PARK7: variants seen among roughly 807,000 people sequenced by gnomAD.
The protein encoded by PARK7 is Parkinsonism associated deglycase.
PARK7 carries 14 observed loss-of-function variants against 20.5 expected under a neutral mutation model. The ratio of observed to expected loss-of-function variants is 0.68; its 90% confidence interval spans 0.45 to 1.07. The LOEUF (loss-of-function observed/expected upper bound fraction) is 1.07. Ranked by LOEUF, PARK7 falls within the 50% of genes least tolerant of loss-of-function variation. The pLI is 0.00. For synonymous variants in PARK7, 98 were observed against 84.3 expected (o/e 1.16, Z -0.89); for missense variants, 234 against 238.1 (o/e 0.98, Z 0.11).
In PARK7 at chr1:7,977,638, A is replaced by G. The variant is rs72854882; in HGVS notation, c.323-14A>G. The G allele has an allele frequency of 0.01, 16,547 of 1,609,916 alleles. 1,370 individuals are homozygous for G. In the African/African-American group the frequency reaches 0.19, roughly 18 times the overall value. ...TCTATATCTGCACTTAGATCTTTTT[A>G]TTTTTATTCTTAGGTCCTACTGCTC... On this transcript the variant is annotated splice_polypyrimidine_tract_variant and intron_variant, in intron 5 of 6. Transcript: ENST00000338639.
intron 4 of PARK7, among the ~76,000 whole-genome samples, chr1:7,969,693 G>C (rs945337980): frequency 4.0e-5 from 6 of 151,898 alleles, no homozygotes; most frequent in African/African-American, 1.5e-4. Context: ...CAGTTCTCCT[G>C]CCTCAGCCTC....
rs750123363 is a variant in PARK7 at position 7,969,424 on chromosome 1, TA to T, written c.252+21del. The stretch of plus-strand genomic sequence containing the variant: ...TCTGAGGTAAAAAATTCTACTCAAT[TA>T]TACCTCAATAAAGCTGGGGGGGGGG... On this transcript the variant is annotated intron_variant, in intron 4 of 6. Transcript: ENST00000338639. 9.8e-7 allele frequency: 1 copy of T among 1,023,024 alleles called. No homozygotes were observed. The highest frequency in any genetic ancestry group is 1.5e-6 in the Non-Finnish European group (1 of 678,926). 63.4% of individuals were successfully genotyped at this position (1,023,024 alleles called of 1,614,324 possible). A position where few individuals can be genotyped will look rare whatever the true frequency, so the allele number is the denominator to read the frequency against.
rs1326575465 is a variant in PARK7 at position 7,970,278 on chromosome 1, T to C, written c.253-616T>C. Reference sequence around the variant, plus strand: ...AGATGTCGATGAATACAGTCCAAAGTAAGATGATTTGGTTTTTTTCCACCA... The same window carrying C: ...AGATGTCGATGAATACAGTCCAAAGCAAGATGATTTGGTTTTTTTCCACCA... On this transcript the variant is annotated intron_variant, in intron 4 of 6. Coordinates refer to ENST00000338639, the MANE Select transcript of PARK7 (RefSeq NM_007262.5). Among the ~76,000 whole-genome samples the C allele has an allele frequency of 2.0e-5, 3 of 152,160 alleles. No homozygotes were observed. The South Asian group carries it at 6.2e-4, about 32-fold the overall frequency.
rs1370163291 is a variant in PARK7 at position 7,965,429 on chromosome 1, TG to T, written c.192+5del. On this transcript the variant is annotated splice_donor_5th_base_variant and intron_variant, in intron 3 of 6. Transcript: ENST00000338639. ...CCTTGAAGATGCAAAAAAAGAGGTT[TG>T]TAATCCATACATGGAGTTATTCCTT... The T allele has an allele frequency of 6.8e-6, 11 of 1,612,600 alleles. No individual in the cohort carries two copies. Among genetic ancestry groups the T allele is most frequent in the Non-Finnish European group, 8.5e-6 (10 of 1,178,690 alleles).
At chr1:7,974,600 GCCTGGGCGACAGAGTGAGA>G (rs1640537587) in intron 5 of PARK7, among the ~76,000 whole-genome samples, 1 of 151,376 alleles carries the variant, frequency 6.6e-6, no homozygotes, top group Non-Finnish European at 1.5e-5. Context: ...CTGCTCTCCA[GCCTGGGCGACAGAGTGAGA>G]CTCCATCTCA....
intron 6 of PARK7, among the ~76,000 whole-genome samples, chr1:7,979,171 G>A (rs1034539567): frequency 6.6e-6 from 1 of 152,126 alleles, no homozygotes; most frequent in Non-Finnish European, 1.5e-5. Flanking sequence ...GAATGCCGCT[G>A]TGAGCATATC....
chr1:7,966,614 C>T (rs1485760784), intron 3 of PARK7, among the ~76,000 whole-genome samples: 2 of 152,232 alleles, frequency 1.3e-5, no homozygotes, highest in East Asian at 3.9e-4. Context: ...AAGAGGATCA[C>T]TTGAGCCTAG....
At position 7,978,800 on chromosome 1, in the gene PARK7, T is replaced by TC. The variant is rs554466843; in HGVS notation, c.409+1063dup. 2.8e-4 allele frequency among the ~76,000 whole-genome samples: 41 copies of TC among 147,300 alleles called. No individual in the cohort carries two copies. The East Asian group carries it at 7.2e-3, about 26-fold the overall frequency. On this transcript the variant is annotated intron_variant, in intron 6 of 6. Transcript: ENST00000338639. The stretch of plus-strand genomic sequence containing the variant: ...AGGTCAAAGCTATGGTGAGCTGTGA[T>TC]CTCGCCACTGAACTCCAGCCTGGAG...
At chr1:7,977,386 G>C (rs1270209910) in intron 5 of PARK7, among the ~76,000 whole-genome samples, 2 of 152,238 alleles carry the variant, frequency 1.3e-5, no homozygotes, top group Non-Finnish European at 2.9e-5. Context: ...ACTAGGAAGT[G>C]TTTCATTTCA....
chr1:7,961,788 G>C lies in PARK7; in HGVS notation c.-29G>C, dbSNP rs1211003724. On this transcript the variant is annotated 5_prime_UTR_variant, in exon 1 of 7. Coordinates refer to ENST00000338639, the MANE Select transcript of PARK7 (RefSeq NM_007262.5). The stretch of plus-strand genomic sequence containing the variant: ...CCGCGTCCGCAGGAAGAGGCGCGGG[G>C]TGCAGGTCAGCGCCAGCGGGGGCGC... 1 of 152,834 alleles carries C rather than the reference G, an allele frequency of 6.5e-6. No individual in the cohort carries two copies. The highest frequency in any genetic ancestry group is 1.5e-5 in the Non-Finnish European group (1 of 68,498). The allele number at this position is 152,834 out of a possible 1,614,324, so 9.5% of individuals were successfully genotyped here. A position where few individuals can be genotyped will look rare whatever the true frequency, so the allele number is the denominator to read the frequency against.
intron 6 of PARK7, among the ~76,000 whole-genome samples, chr1:7,978,502 C>T (rs1557449783): frequency 6.6e-6 from 1 of 151,552 alleles, no homozygotes; most frequent in Non-Finnish European, 1.5e-5. Flanking sequence ...AAGGGACTCT[C>T]CTGTCTCAGC....
At chr1:7,966,991 G>T (rs1007364196) in intron 3 of PARK7, among the ~76,000 whole-genome samples, 1 of 152,068 alleles carries the variant, frequency 6.6e-6, no homozygotes, top group African/African-American at 2.4e-5. Flanking sequence ...TTCTACGGGG[G>T]TATAGAACAC....
intron 5 of PARK7, among the ~76,000 whole-genome samples, chr1:7,973,709 C>G (rs549102425): frequency 6.7e-6 from 1 of 148,704 alleles, no homozygotes; most frequent in African/African-American, 2.5e-5. Context: ...AGTGAAACTC[C>G]GTCTCAAAAA....
intron 3 of PARK7, among the ~76,000 whole-genome samples, chr1:7,967,462 T>C (rs1640353557): frequency 6.6e-6 from 1 of 152,226 alleles, no homozygotes; most frequent in South Asian, 2.1e-4. Flanking sequence ...ATATGGTAGT[T>C]CCATTTACTG....
chr1:7,965,805 T>TTTA, intron 3 of PARK7, among the ~76,000 whole-genome samples: 1 of 152,226 alleles, frequency 6.6e-6, no homozygotes, highest in East Asian at 1.9e-4. Flanking sequence ...TTTTCCATTT[T>TTTA]TTATTATTAT....
At chr1:7,970,687 C>T (rs967822063) in intron 4 of PARK7, among the ~76,000 whole-genome samples, 1 of 152,156 alleles carries the variant, frequency 6.6e-6, no homozygotes, top group African/African-American at 2.4e-5. Context: ...GTGCGTTTCT[C>T]TTATGAGAAA....
intron 5 of PARK7, among the ~76,000 whole-genome samples, chr1:7,972,439 A>G (rs950254292): frequency 6.6e-6 from 1 of 151,878 alleles, no homozygotes; most frequent in Non-Finnish European, 1.5e-5. Context: ...CAGCCTGGGC[A>G]GCAGAGTGAC....
At position 7,969,414 on chromosome 1, in the gene PARK7, TCTA is replaced by T; in HGVS notation, c.252+13_252+15del. On this transcript the variant is annotated intron_variant, in intron 4 of 6. Coordinates refer to ENST00000338639, the MANE Select transcript of PARK7 (RefSeq NM_007262.5). ...ACAGAATTTATCTGAGGTAAAAAATTCTACTCAATTATACCTCAATAAAGCTGG... is the reference window on the plus strand; with the variant it reads ...ACAGAATTTATCTGAGGTAAAAAATTCTCAATTATACCTCAATAAAGCTGG... 1 of 1,391,380 alleles carries T rather than the reference TCTA, an allele frequency of 7.2e-7. No individual in the cohort carries two copies. The highest frequency in any genetic ancestry group is 2.6e-5 in the East Asian group (1 of 39,018). 86.2% of individuals were successfully genotyped at this position (1,391,380 alleles called of 1,614,324 possible).
intron 5 of PARK7, 66 bp downstream of exon 5, chr1:7,971,029 T>A: frequency 6.5e-7 from 1 of 1,532,806 alleles, no homozygotes; most frequent in South Asian, 1.1e-5. Context: ...CATTCGATGG[T>A]TTGATTCCAA....
Sources: gnomAD v4.1 joint callset for allele counts (sites outside exome capture counted in the v4.1 genomes callset) on GRCh38, gnomAD v4.1.1 for gene constraint, MANE v1.5 for transcripts, NCBI Gene and HGNC (gene_info 2026-07-23, HGNC 2026-07-21) for gene names.